Variants in HBP1 observed in about 807,000 individuals in gnomAD.
The protein encoded by HBP1 is HMG box-containing protein 1.
A neutral mutation model predicts 62.6 loss-of-function variants in HBP1; 20 were observed. The observed-to-expected ratio is 0.32, with a 90% CI of 0.22 to 0.46. The LOEUF (loss-of-function observed/expected upper bound fraction) is 0.46. Among genes scored for constraint, HBP1 ranks in the 20% least tolerant of loss-of-function variants. The pLI, the probability that HBP1 is intolerant of heterozygous loss-of-function variation, is 1.00. For missense variants in HBP1, 480 were observed against 611.8 expected (o/e 0.78, Z 2.27); for synonymous variants, 232 against 206.2 (o/e 1.12, Z -1.07).
chr7:107,174,098 G>A (rs75007274), intron 1 of HBP1, among the ~76,000 whole-genome samples: 23,940 of 152,234 alleles, frequency 0.16, 2,342 homozygotes, highest in Non-Finnish European at 0.22. Context: ...CCATTTGTAT[G>A]TAGTTTTGAA....
chr7:107,177,035 T>G (rs1338744632), intron 1 of HBP1, among the ~76,000 whole-genome samples: 1 of 152,208 alleles, frequency 6.6e-6, no homozygotes, highest in Non-Finnish European at 1.5e-5. Flanking sequence ...GGTTTCCACC[T>G]GTTAATTATG....
At chr7:107,183,613 A>AT (rs1797215318) in intron 3 of HBP1, among the ~76,000 whole-genome samples, 2 of 151,686 alleles carry the variant, frequency 1.3e-5, no homozygotes, top group Admixed American at 6.6e-5. Flanking sequence ...TTATTTATTT[A>AT]TTTTTAAAAA....
chr7:107,199,267 T>TGACGGCAAATAGTAGA (rs1238470538), intron 9 of HBP1, among the ~76,000 whole-genome samples: 2 of 151,928 alleles, frequency 1.3e-5, no homozygotes, highest in Admixed American at 6.6e-5. Context: ...AGAGATGGGG[T>TGACGGCAAATAGTAGA]GACGGGGTTT....
At chr7:107,199,654 A>G (rs1480898329) in intron 9 of HBP1, among the ~76,000 whole-genome samples, 1 of 152,234 alleles carries the variant, frequency 6.6e-6, no homozygotes, top group Non-Finnish European at 1.5e-5. Context: ...CTGTGTGCCT[A>G]GGTGAGACTG....
At chr7:107,190,383 G>A in intron 8 of HBP1, 66 bp downstream of exon 8, 3 of 1,039,810 alleles carry the variant, frequency 2.9e-6, no homozygotes, top group South Asian at 3.2e-5. Context: ...CCCTAATGAT[G>A]GTTAAGTCAG....
chr7:107,174,460 G>C, intron 1 of HBP1: 6 of 984,958 alleles, frequency 6.1e-6, no homozygotes, highest in Non-Finnish European at 7.2e-6. Context: ...GTTTTGGGAT[G>C]GTGGTTGATA....
chr7:107,196,641 A>C (rs1302344786), intron 9 of HBP1: 2 of 216,112 alleles, frequency 9.3e-6, no homozygotes, highest in Non-Finnish European at 1.9e-5. Context: ...TACATAGACA[A>C]TTAGGTTATC....
intron 1 of HBP1, chr7:107,169,716 A>G: frequency 4.1e-6 from 4 of 984,472 alleles, no homozygotes; most frequent in Non-Finnish European, 4.8e-6. Flanking sequence ...GCTCATTGTT[A>G]CGCAGTTCGA....
At chr7:107,196,454 G>A (rs1584503383) in intron 9 of HBP1, 1 of 361,848 alleles carries the variant, frequency 2.8e-6, no homozygotes, top group Non-Finnish European at 5.4e-6. Flanking sequence ...ATTTTTAGTA[G>A]AGACAGGGTT....
intron 5 of HBP1, 45 bp from the exon 6 acceptor site, chr7:107,186,524 T>G (rs1797381586): frequency 6.4e-7 from 1 of 1,558,204 alleles, no homozygotes; most frequent in Non-Finnish European, 8.8e-7. Flanking sequence ...CTTACTTGTC[T>G]AGTACAGTCA....
chr7:107,171,073 A>ATATATATATATATAT lies in HBP1; in HGVS notation c.-16+1889_-16+1890insATATATATATATATT. ...TATATATATATATATATATATATATATTTTTTTTTTTTTTTGAGAGGGAGT... is the reference window on the plus strand; with the variant it reads ...TATATATATATATATATATATATATATATATATATATATATTTTTTTTTTTTTTTTGAGAGGGAGT... On this transcript the variant is annotated intron_variant, in intron 1 of 10. Coordinates refer to ENST00000222574, the MANE Select transcript of HBP1 (RefSeq NM_012257.4). 1.1e-4 allele frequency among the ~76,000 whole-genome samples: 10 copies of ATATATATATATATAT among 87,194 alleles called. 1 individual carries two copies. Among genetic ancestry groups the ATATATATATATATAT allele is most frequent in the African/African-American group, 6.0e-4 (9 of 15,086 alleles). 57.2% of individuals were successfully genotyped at this position (87,194 alleles called of 152,430 possible).
chr7:107,178,194 A>AGAG, intron 1 of HBP1, among the ~76,000 whole-genome samples: 1 of 152,046 alleles, frequency 6.6e-6, no homozygotes, highest in African/African-American at 2.4e-5. Flanking sequence ...TTTCTTTAAG[A>AGAG]GGGGGGGTCT....
At chr7:107,199,608 G>C (rs1408633315) in intron 9 of HBP1, among the ~76,000 whole-genome samples, 1 of 152,178 alleles carries the variant, frequency 6.6e-6, no homozygotes, top group African/African-American at 2.4e-5. Context: ...GAAGTGAATG[G>C]CTGAAAGCTC....
chr7:107,187,594 T>C (rs997872497), intron 6 of HBP1, among the ~76,000 whole-genome samples: 3 of 152,218 alleles, frequency 2.0e-5, no homozygotes, highest in South Asian at 2.1e-4. Flanking sequence ...TTGAGAAAAA[T>C]TGTCCTGTCT....
At chr7:107,192,289 C>T (rs1196216687) in intron 8 of HBP1, among the ~76,000 whole-genome samples, 1 of 152,034 alleles carries the variant, frequency 6.6e-6, no homozygotes, top group South Asian at 2.1e-4. Flanking sequence ...CCCTCAAAAT[C>T]CAAGTTCTAG....
chr7:107,171,073 A>ATATATATATTTTTT lies in HBP1; in HGVS notation c.-16+1889_-16+1890insATATATATTTTTTT. 5.3e-4 allele frequency among the ~76,000 whole-genome samples: 46 copies of ATATATATATTTTTT among 87,198 alleles called. 2 individuals are homozygous for ATATATATATTTTTT. The highest frequency in any genetic ancestry group is 9.9e-4 in the African/African-American group (15 of 15,124). The allele number at this position is 87,198 out of a possible 152,430, so 57.2% of individuals were successfully genotyped here. On this transcript the variant is annotated intron_variant, in intron 1 of 10. Coordinates refer to ENST00000222574, the MANE Select transcript of HBP1 (RefSeq NM_012257.4). ...TATATATATATATATATATATATATATTTTTTTTTTTTTTTGAGAGGGAGT... is the reference window on the plus strand; with the variant it reads ...TATATATATATATATATATATATATATATATATATTTTTTTTTTTTTTTTTTTTTGAGAGGGAGT...
intron 1 of HBP1, chr7:107,173,651 C>A (rs1034353123): frequency 6.6e-6 from 1 of 152,182 alleles, no homozygotes; most frequent in African/African-American, 2.4e-5. Flanking sequence ...TTTTCTAGTT[C>A]TCTCTTTCTC....
At chr7:107,174,587 A>C (rs1434495284) in intron 1 of HBP1, 1 of 985,442 alleles carries the variant, frequency 1.0e-6, no homozygotes, top group Non-Finnish European at 1.2e-6. Context: ...TTCTAGCTGG[A>C]AAGAATGAGG....
chr7:107,201,558 A>C lies in HBP1; in HGVS notation c.*127A>C. 1.9e-6 allele frequency: 1 copy of C among 515,234 alleles called. No individual in the cohort carries two copies. The highest frequency in any genetic ancestry group is 3.6e-6 in the Non-Finnish European group (1 of 279,216). The allele number at this position is 515,234 out of a possible 1,614,324, so 31.9% of individuals were successfully genotyped here. A position where few individuals can be genotyped will look rare whatever the true frequency, so the allele number is the denominator to read the frequency against. ...TGACCATAAGATACTGATAGCATTG[A>C]GTCTTGAAATGATTTAATAATATGA... On this transcript the variant is annotated 3_prime_UTR_variant, in exon 11 of 11. Coordinates refer to ENST00000222574, the MANE Select transcript of HBP1 (RefSeq NM_012257.4).
Sources: allele counts gnomAD v4.1 joint callset (sites outside exome capture counted in the v4.1 genomes callset), GRCh38; gene constraint gnomAD v4.1.1; transcripts MANE v1.5; gene names NCBI Gene and HGNC (gene_info 2026-07-23, HGNC 2026-07-21).